Variants in CGREF1 observed in about 807,000 individuals in gnomAD.
The protein encoded by CGREF1 is cell growth regulator with EF hand domain protein 1.
CGREF1 carries 16 observed loss-of-function variants against 17.4 expected under a neutral mutation model. The ratio of observed to expected loss-of-function variants is 0.92; its 90% confidence interval spans 0.62 to 1.40. The LOEUF (loss-of-function observed/expected upper bound fraction) is 1.40, where lower values mean the gene tolerates loss of function less well. Ranked by LOEUF, CGREF1 falls within the 40% of genes most tolerant of loss-of-function variation. The pLI, the probability that CGREF1 is intolerant of heterozygous loss-of-function variation, is 0.00. For missense variants in CGREF1, 296 were observed against 376.4 expected (o/e 0.79, Z 1.77); for synonymous variants, 142 against 154.6 (o/e 0.92, Z 0.61).
At chr2:27,105,810 G>C (rs565205070) in intron 1 of CGREF1, among the ~76,000 whole-genome samples, 4 of 152,212 alleles carry the variant, frequency 2.6e-5, no homozygotes, top group Admixed American at 6.5e-5. Context: ...GCCTCCCAAA[G>C]TGCTGGGATT....
rs756076252 is a variant in CGREF1 at position 27,102,580 on chromosome 2, TCA to T, written c.90_91del (p.Glu31SerfsTer51). On this transcript the variant is annotated frameshift_variant, in exon 3 of 6. Transcript: ENST00000402394. LOFTEE classifies it high-confidence loss of function. ...GTTGGGCAGGAGCTGATGCTGCACT[TCA>T]GAGTCTGGCCTGGAGGAGGAAGGGG... 91 of 1,612,554 alleles carry T rather than the reference TCA, an allele frequency of 5.6e-5. No homozygotes were observed. The highest frequency in any genetic ancestry group is 8.5e-6 in the Non-Finnish European group (10 of 1,179,768).
chr2:27,110,335 G>A (rs908076480), intron 1 of CGREF1, among the ~76,000 whole-genome samples: 2 of 152,134 alleles, frequency 1.3e-5, no homozygotes, highest in African/African-American at 4.8e-5. Flanking sequence ...GTGGGACATT[G>A]AGGCAGTAGT....
chr2:27,102,657 C>G, intron 2 of CGREF1, 66 bp from the exon 3 acceptor site: 1 of 1,506,486 alleles, frequency 6.6e-7, no homozygotes, highest in Non-Finnish European at 9.0e-7. Context: ...TGCCAACCTT[C>G]TGCCTCCAAT....
intron 2 of CGREF1, chr2:27,102,945 C>T: frequency 1.0e-6 from 1 of 985,460 alleles, no homozygotes; most frequent in South Asian, 4.7e-5. Flanking sequence ...CCCTCTCCTT[C>T]CATGCTGGGA....
At chr2:27,113,467 G>T (rs1259936040) in intron 1 of CGREF1, among the ~76,000 whole-genome samples, 2 of 152,180 alleles carry the variant, frequency 1.3e-5, no homozygotes, top group African/African-American at 4.8e-5. Flanking sequence ...ATCTCTTAAG[G>T]TCGAATTACT....
downstream of CGREF1, chr2:27,100,264 C>T: frequency 2.4e-6 from 1 of 410,038 alleles, no homozygotes; most frequent in Non-Finnish European, 4.5e-6. Context: ...GGAGTCCACA[C>T]CGCTGAGCTG....
chr2:27,117,798 T>A (rs1278956076), intron 1 of CGREF1, among the ~76,000 whole-genome samples: 1 of 144,284 alleles, frequency 6.9e-6, no homozygotes, highest in Non-Finnish European at 1.5e-5. Context: ...AAGCTCCGCC[T>A]CCCGGGTTCA....
chr2:27,102,094 T>C lies in CGREF1; in HGVS notation c.342+3A>G. On this transcript the variant is annotated splice_donor_region_variant and intron_variant, in intron 5 of 5. Coordinates refer to ENST00000402394, the MANE Select transcript of CGREF1 (RefSeq NM_006569.6). ...GCGGGGATCTCCATCCAGCAGAGCT[T>C]ACCGGGTTGGTGGTAGGAGAGTTGG... The C allele has an allele frequency of 6.2e-7, 1 of 1,602,996 alleles. No individual in the cohort carries two copies. Among genetic ancestry groups the C allele is most frequent in the Non-Finnish European group, 8.5e-7 (1 of 1,171,724 alleles).
chr2:27,099,781 A>G, downstream of CGREF1: 1 of 1,610,706 alleles, frequency 6.2e-7, no homozygotes, highest in Non-Finnish European at 8.5e-7. Context: ...CACACCATGG[A>G]GACTACCATT....
intron 1 of CGREF1, chr2:27,110,935 T>G (rs1017463385): frequency 6.6e-6 from 1 of 152,500 alleles, no homozygotes; most frequent in Admixed American, 6.5e-5. Context: ...TTTCTCCCAG[T>G]GGGTTCGTGA....
intron 1 of CGREF1, among the ~76,000 whole-genome samples, chr2:27,107,933 C>T (rs867960223): frequency 1.0e-5 from 1 of 95,848 alleles, no homozygotes; most frequent in Non-Finnish European, 2.0e-5. Context: ...GACTCTGTCT[C>T]AAAAAAAAAA....
intron 4 of CGREF1, 41 bp downstream of exon 4, chr2:27,102,319 C>A (rs1169332787): frequency 3.7e-6 from 6 of 1,613,620 alleles, no homozygotes; most frequent in East Asian, 2.2e-5. Flanking sequence ...TCTGGCTGCC[C>A]AGAGCCTCCC....
At chr2:27,107,933 C>CAAAAAAAA (rs143132359) in intron 1 of CGREF1, among the ~76,000 whole-genome samples, 1 of 95,828 alleles carries the variant, frequency 1.0e-5, no homozygotes. Flanking sequence ...GACTCTGTCT[C>CAAAAAAAA]AAAAAAAAAA....
At chr2:27,111,413 C>G (rs1032936550) in intron 1 of CGREF1, among the ~76,000 whole-genome samples, 5 of 152,222 alleles carry the variant, frequency 3.3e-5, no homozygotes, top group Non-Finnish European at 7.3e-5. Context: ...TAAAGGTTCT[C>G]CAAGTCCCCA....
At position 27,118,846 on chromosome 2, in the gene CGREF1, C is replaced by G. The variant is rs1671689320; in HGVS notation, c.-12G>C. On this transcript the variant is annotated splice_region_variant and 5_prime_UTR_variant, in exon 1 of 6. Coordinates refer to ENST00000402394, the MANE Select transcript of CGREF1 (RefSeq NM_006569.6). ...CCGGCCGGGGCGGGGTGTCACCCAC[C>G]TGCTGCGGCGCCGCGCGGCTCTGGG... 6.6e-6 allele frequency: 1 copy of G among 152,078 alleles called. No homozygotes were observed. The highest frequency in any genetic ancestry group is 2.1e-4 in the South Asian group (1 of 4,848). 9.4% of individuals were successfully genotyped at this position (152,078 alleles called of 1,614,324 possible). A position where few individuals can be genotyped will look rare whatever the true frequency, so the allele number is the denominator to read the frequency against.
intron 1 of CGREF1, among the ~76,000 whole-genome samples, chr2:27,108,561 T>C (rs1475607621): frequency 6.6e-6 from 1 of 151,720 alleles, no homozygotes; most frequent in African/African-American, 2.4e-5. Context: ...GCAGATTAAA[T>C]AAACAGAAAT....
rs550232680 is a variant in CGREF1 at position 27,112,912 on chromosome 2, G to A, written c.-12+5934C>T. On this transcript the variant is annotated intron_variant, in intron 1 of 5. Coordinates refer to ENST00000402394, the MANE Select transcript of CGREF1 (RefSeq NM_006569.6). ...GTGGAGGCTTCCCGGGTCCCCAGAA[G>A]GGTGGGGTTCCACCACCTGGGCCTC... Among the ~76,000 whole-genome samples, 4 of 152,340 alleles carry A rather than the reference G, an allele frequency of 2.6e-5. No homozygotes were observed. The East Asian group carries it at 7.7e-4, about 29-fold the overall frequency.
rs1259106800 is a variant in CGREF1, at chr2:27,116,923, C to CTCTCTT, written c.-12+1922_-12+1923insAAGAGA. Among the ~76,000 whole-genome samples the CTCTCTT allele has an allele frequency of 1.5e-3, 79 of 52,980 alleles. 1 individual carries two copies. Among genetic ancestry groups the CTCTCTT allele is most frequent in the African/African-American group, 1.7e-3 (18 of 10,322 alleles). The allele number at this position is 52,980 out of a possible 152,430, so 34.8% of individuals were successfully genotyped here. ...TCTCTCTCTCTCTCTCTCTCTCTCT[C>CTCTCTT]TTTTTTTGAGACAGAGTCTCGCTCT... On this transcript the variant is annotated intron_variant, in intron 1 of 5. Coordinates refer to ENST00000402394, the MANE Select transcript of CGREF1 (RefSeq NM_006569.6).
At chr2:27,108,233 C>T (rs1327593428) in intron 1 of CGREF1, among the ~76,000 whole-genome samples, 2 of 151,360 alleles carry the variant, frequency 1.3e-5, no homozygotes, top group Non-Finnish European at 2.9e-5. Context: ...CCAGCCTGAG[C>T]GACAGAGTGA....
Sources: allele counts gnomAD v4.1 joint callset (sites outside exome capture counted in the v4.1 genomes callset), GRCh38; gene constraint gnomAD v4.1.1; transcripts MANE v1.5; gene names NCBI Gene and HGNC (gene_info 2026-07-23, HGNC 2026-07-21).